Variants in RGL1 observed in about 807,000 individuals in gnomAD.
The protein encoded by RGL1 is ral guanine nucleotide dissociation stimulator-like 1.
A neutral mutation model predicts 95.2 loss-of-function variants in RGL1; 24 were observed. That is an observed-to-expected ratio of 0.25 (90% CI 0.18 to 0.35). RGL1 has a LOEUF of 0.35. Ranked by LOEUF, RGL1 falls within the 10% of genes least tolerant of loss-of-function variation. RGL1 has a pLI of 1.00. For missense variants in RGL1, 715 were observed against 936.3 expected, an observed-to-expected ratio of 0.76 and a Z score of 3.08; for synonymous variants, 329 against 344.9, an observed-to-expected ratio of 0.95 and a Z score of 0.51.
At chr1:183,869,637 A>T (rs1318491763) in intron 4 of RGL1, among the ~76,000 whole-genome samples, 2 of 151,408 alleles carry the variant, frequency 1.3e-5, no homozygotes, top group Non-Finnish European at 2.9e-5. Flanking sequence ...TTTTCCCCAC[A>T]TCTTTTATTG....
At chr1:183,696,545 T>C (rs1033696395) in intron 1 of RGL1, among the ~76,000 whole-genome samples, 4 of 152,190 alleles carry the variant, frequency 2.6e-5, no homozygotes, top group Non-Finnish European at 5.9e-5. Flanking sequence ...AGGCATCTGA[T>C]GCATTTTCAT....
intron 2 of RGL1, among the ~76,000 whole-genome samples, chr1:183,752,824 C>T (rs1052943408): frequency 5.3e-5 from 8 of 152,160 alleles, no homozygotes; most frequent in Admixed American, 2.6e-4. Flanking sequence ...CCATTGTCCT[C>T]TGCCTTCCAT....
chr1:183,672,917 G>T (rs1459946834), intron 1 of RGL1, among the ~76,000 whole-genome samples: 1 of 152,058 alleles, frequency 6.6e-6, no homozygotes, highest in African/African-American at 2.4e-5. Flanking sequence ...TTAAATTCTG[G>T]GGTACGTATG....
chr1:183,686,438 T>G (rs1653591772), intron 1 of RGL1, among the ~76,000 whole-genome samples: 2 of 151,708 alleles, frequency 1.3e-5, no homozygotes, highest in Non-Finnish European at 1.5e-5. Context: ...ATATGTTTTT[T>G]TTGTCTGCTA....
intron 2 of RGL1, among the ~76,000 whole-genome samples, chr1:183,817,977 G>T (rs567985500): frequency 7.0e-4 from 107 of 152,334 alleles, no homozygotes; most frequent in South Asian, 2.7e-3. Flanking sequence ...GTTTCCTCAT[G>T]AACATTCTTT....
intron 2 of RGL1, among the ~76,000 whole-genome samples, chr1:183,752,668 CTCTCTT>C: frequency 7.3e-6 from 1 of 136,914 alleles, no homozygotes; most frequent in Non-Finnish European, 1.6e-5. Context: ...ACATCTCTTT[CTCTCTT>C]TCTCTCTCTC....
chr1:183,922,709 T>C (rs1006894922), intron 17 of RGL1, among the ~76,000 whole-genome samples: 4 of 152,218 alleles, frequency 2.6e-5, no homozygotes, highest in Non-Finnish European at 5.9e-5. Context: ...AAGAATGTGT[T>C]TCTAAGTTGT....
In RGL1 at chr1:183,900,229, A is replaced by G; in HGVS notation, c.1310A>G (p.Tyr437Cys). The change falls in exon 11 of 18, where the codon TAC becomes TGC. Residue 437 changes from tyrosine to cysteine, a missense_variant. By Grantham distance (194) the Tyr-to-Cys change is radical. Transcript: ENST00000360851. Reference sequence around the variant, plus strand: ...ATGCTTGACACTGCCCTTCAGGACTACATCGAGGTGAGTTCCATGTGGGTG... The same window carrying G: ...ATGCTTGACACTGCCCTTCAGGACTGCATCGAGGTGAGTTCCATGTGGGTG... Reference protein sequence around the residue: ...LTMLDTALQDYIEGGLINFEK... With the variant: ...LTMLDTALQDCIEGGLINFEK... The G allele has an allele frequency of 1.9e-6, 3 of 1,613,712 alleles. No individual in the cohort carries two copies. The highest frequency in any genetic ancestry group is 2.5e-6 in the Non-Finnish European group (3 of 1,179,610).
chr1:183,704,723 C>T (rs762772782), intron 1 of RGL1, among the ~76,000 whole-genome samples: 1 of 152,124 alleles, frequency 6.6e-6, no homozygotes, highest in East Asian at 1.9e-4. Flanking sequence ...ATGAATAGAG[C>T]ATAGAGTTGG....
chr1:183,641,635 C>G (rs1649932350), intron 1 of RGL1, among the ~76,000 whole-genome samples: 1 of 152,102 alleles, frequency 6.6e-6, no homozygotes, highest in Non-Finnish European at 1.5e-5. Context: ...CTATCTTTAT[C>G]CAGTTTTGAT....
intron 1 of RGL1, among the ~76,000 whole-genome samples, chr1:183,643,571 G>A (rs994892450): frequency 6.6e-5 from 10 of 151,998 alleles, no homozygotes; most frequent in South Asian, 2.1e-4. Context: ...GATTACAGGC[G>A]TGAGCCACCG....
intron 7 of RGL1, among the ~76,000 whole-genome samples, chr1:183,885,237 CACG>C (rs1667048628): frequency 6.6e-6 from 1 of 152,174 alleles, no homozygotes; most frequent in Non-Finnish European, 1.5e-5. Flanking sequence ...CCTTTGTATT[CACG>C]ACAAGACTGA....
chr1:183,663,635 C>G (rs1470290017), intron 1 of RGL1, among the ~76,000 whole-genome samples: 5 of 151,970 alleles, frequency 3.3e-5, no homozygotes, highest in South Asian at 2.1e-4. Context: ...CTAGTTCAAC[C>G]CTTGTGGAAG....
intron 3 of RGL1, among the ~76,000 whole-genome samples, chr1:183,848,583 A>AT (rs1488654663): frequency 6.6e-6 from 1 of 152,130 alleles, no homozygotes; most frequent in Admixed American, 6.6e-5. Flanking sequence ...TGTTAACTAA[A>AT]TTTTTTTATT....
At position 183,927,024 on chromosome 1, in the gene RGL1, G is replaced by A. The variant is rs1669651542; in HGVS notation, c.*732G>A. On this transcript the variant is annotated 3_prime_UTR_variant, in exon 18 of 18. Coordinates refer to ENST00000360851, the MANE Select transcript of RGL1 (RefSeq NM_001297671.3). The stretch of plus-strand genomic sequence containing the variant: ...GTCTAGCCATCATGACACCTCTGGA[G>A]GTGTCAAGCTCCTGAAACAAGCTCA... 1.3e-5 allele frequency: 2 copies of A among 152,622 alleles called. No homozygotes were observed. Among genetic ancestry groups the A allele is most frequent in the African/African-American group, 2.4e-5 (1 of 41,432 alleles). The allele number at this position is 152,622 out of a possible 1,614,324, so 9.5% of individuals were successfully genotyped here.
intron 2 of RGL1, among the ~76,000 whole-genome samples, chr1:183,847,012 G>A (rs1437133446): frequency 6.6e-6 from 1 of 152,198 alleles, no homozygotes; most frequent in East Asian, 1.9e-4. Flanking sequence ...AGGGGAGTAA[G>A]TAGAAGCAAA....
At chr1:183,782,284 C>T (rs1214586198) in intron 2 of RGL1, among the ~76,000 whole-genome samples, 1 of 152,128 alleles carries the variant, frequency 6.6e-6, no homozygotes, top group African/African-American at 2.4e-5. Context: ...AGGTTATTGC[C>T]AACTCTGCTG....
At chr1:183,641,772 C>T (rs1368544685) in intron 1 of RGL1, among the ~76,000 whole-genome samples, 3 of 152,130 alleles carry the variant, frequency 2.0e-5, no homozygotes, top group Non-Finnish European at 4.4e-5. Flanking sequence ...TGCTGCAAAA[C>T]CACCTGGGCT....
intron 16 of RGL1, among the ~76,000 whole-genome samples, chr1:183,917,881 T>C (rs1410588612): frequency 1.3e-5 from 2 of 152,186 alleles, no homozygotes; most frequent in Non-Finnish European, 2.9e-5. Flanking sequence ...GTCATGGCAC[T>C]GTGTTTGCTG....
Sources: allele counts gnomAD v4.1 joint callset (sites outside exome capture counted in the v4.1 genomes callset), GRCh38; gene constraint gnomAD v4.1.1; transcripts MANE v1.5; gene names NCBI Gene and HGNC (gene_info 2026-07-23, HGNC 2026-07-21).